AUTS2: variants seen among roughly 807,000 people sequenced by gnomAD.
The protein encoded by AUTS2 is activator of transcription and developmental regulator AUTS2, also known as autism susceptibility gene 2 protein.
A neutral mutation model predicts 112.4 loss-of-function variants in AUTS2; 17 were observed. The observed-to-expected ratio is 0.15, with a 90% CI of 0.10 to 0.23. The LOEUF (loss-of-function observed/expected upper bound fraction) is 0.23. AUTS2 is among the 10% of genes least tolerant of loss of function. The pLI, the probability that AUTS2 is intolerant of heterozygous loss-of-function variation, is 1.00. For missense variants in AUTS2, 1,510 were observed against 1,701.6 expected (o/e 0.89, Z 1.98); for synonymous variants, 751 against 702.7 (o/e 1.07, Z -1.09).
At chr7:69,896,784 A>G (rs1279167899) in intron 1 of AUTS2, among the ~76,000 whole-genome samples, 1 of 152,162 alleles carries the variant, frequency 6.6e-6, no homozygotes, top group Non-Finnish European at 1.5e-5. Context: ...CCTCTTTCAC[A>G]TTCTTTCAAG....
At position 70,546,695 on chromosome 7, in the gene AUTS2, C is replaced by G. The variant is rs186669438; in HGVS notation, c.690+110914C>G. Among the ~76,000 whole-genome samples the G allele has an allele frequency of 1.0e-2, 1,514 of 151,752 alleles. 30 individuals are homozygous for G. The highest frequency in any genetic ancestry group is 0.035 in the African/African-American group (1,443 of 41,322). On this transcript the variant is annotated intron_variant, in intron 5 of 18. Coordinates refer to ENST00000342771, the MANE Select transcript of AUTS2 (RefSeq NM_015570.4). ...TGGGGAGGCTGAGGCAGGAGAATGG[C>G]ATGAACCCGGGAGGTGGAGCTTTCA...
chr7:69,719,895 G>A (rs780651623), intron 1 of AUTS2, among the ~76,000 whole-genome samples: 4 of 152,120 alleles, frequency 2.6e-5, no homozygotes, highest in Non-Finnish European at 4.4e-5. Context: ...AGCAAGTGGA[G>A]TGACAGTTTG....
At chr7:69,854,212 C>G (rs569232830) in intron 1 of AUTS2, among the ~76,000 whole-genome samples, 24 of 152,270 alleles carry the variant, frequency 1.6e-4, no homozygotes, top group Admixed American at 1.6e-3. Flanking sequence ...CAGTGACTTT[C>G]TAAATTCACC....
chr7:70,699,411 T>C (rs567020748), intron 6 of AUTS2: 1 of 152,344 alleles, frequency 6.6e-6, no homozygotes, highest in South Asian at 2.1e-4. Context: ...ATAATCTCTT[T>C]CTGGGTTACA....
At chr7:69,653,553 G>A (rs1223594345) in intron 1 of AUTS2, among the ~76,000 whole-genome samples, 2 of 152,012 alleles carry the variant, frequency 1.3e-5, no homozygotes, top group Non-Finnish European at 2.9e-5. Flanking sequence ...CACACCTGAA[G>A]CAAGAAATGT....
intron 4 of AUTS2, among the ~76,000 whole-genome samples, chr7:70,285,637 T>G (rs546957031): frequency 6.6e-6 from 1 of 152,378 alleles, no homozygotes; most frequent in East Asian, 1.9e-4. Context: ...TACTGATATC[T>G]TCTTCCAAAT....
chr7:70,439,209 C>T (rs1796020149), intron 5 of AUTS2, among the ~76,000 whole-genome samples: 1 of 152,126 alleles, frequency 6.6e-6, no homozygotes. Flanking sequence ...GAATACATTG[C>T]ACATTAATGT....
At chr7:70,635,272 C>G (rs1238339092) in intron 5 of AUTS2, among the ~76,000 whole-genome samples, 2 of 152,196 alleles carry the variant, frequency 1.3e-5, no homozygotes, top group Non-Finnish European at 2.9e-5. Context: ...TCAGATGTGC[C>G]TCTCCTGTGT....
chr7:70,792,743 G>GTAA lies in AUTS2; in HGVS notation c.*1751_*1753dup, dbSNP rs1792054342. 1 of 152,418 alleles carries GTAA rather than the reference G, an allele frequency of 6.6e-6. No individual in the cohort carries two copies. 9.4% of individuals were successfully genotyped at this position (152,418 alleles called of 1,614,324 possible). ...GACCTTTTTGCTGTTTATCCTGTAT[G>GTAA]TAATAAAGTCCTTTCTAGATCCTAT... is the stretch of plus-strand genomic sequence containing the variant. On this transcript the variant is annotated 3_prime_UTR_variant, in exon 19 of 19. Coordinates refer to ENST00000342771, the MANE Select transcript of AUTS2 (RefSeq NM_015570.4).
At chr7:69,941,401 C>T (rs1045497430) in intron 2 of AUTS2, among the ~76,000 whole-genome samples, 16 of 152,292 alleles carry the variant, frequency 1.1e-4, no homozygotes, top group Admixed American at 5.9e-4. Context: ...TCACCTCAAA[C>T]GTCTTTCCTG....
chr7:70,325,235 C>G (rs11766329), intron 4 of AUTS2, among the ~76,000 whole-genome samples: 44,333 of 151,872 alleles, frequency 0.29, 6,785 homozygotes, highest in African/African-American at 0.38. Flanking sequence ...GAGGCGGGAG[C>G]ATCGCTTGAG....
intron 1 of AUTS2, among the ~76,000 whole-genome samples, chr7:69,739,509 C>T (rs1273928247): frequency 1.3e-5 from 2 of 152,066 alleles, no homozygotes; most frequent in Admixed American, 1.3e-4. Flanking sequence ...ACCCTGGGGA[C>T]AAACAGGATA....
chr7:70,234,757 G>A (rs770841044), intron 4 of AUTS2, among the ~76,000 whole-genome samples: 13 of 152,142 alleles, frequency 8.5e-5, no homozygotes, highest in Non-Finnish European at 1.5e-4. Context: ...AGGCCTAAAC[G>A]TTGAATCCCG....
intron 5 of AUTS2, among the ~76,000 whole-genome samples, chr7:70,482,656 ATATT>A (rs1364569362): frequency 6.6e-6 from 1 of 152,136 alleles, no homozygotes; most frequent in Non-Finnish European, 1.5e-5. Context: ...GATGAAGATG[ATATT>A]TATTTGTTAC....
intron 4 of AUTS2, among the ~76,000 whole-genome samples, chr7:70,235,657 T>TC (rs1430622345): frequency 1.3e-5 from 2 of 152,050 alleles, no homozygotes; most frequent in East Asian, 3.9e-4. Context: ...TCTTTTCTTT[T>TC]CTTTTTTTTT....
intron 2 of AUTS2, among the ~76,000 whole-genome samples, chr7:69,933,881 A>G (rs1796311490): frequency 6.6e-6 from 1 of 152,200 alleles, no homozygotes; most frequent in Non-Finnish European, 1.5e-5. Flanking sequence ...CCATGTGAAT[A>G]CACATAGGAT....
rs377740409 is a variant in AUTS2, at chr7:69,716,987, C to T, written c.309+117025C>T. ...ACTTGTCACCCTTCTGGAAACTGCA[C>T]GTGTTTAGCTCTTGCGAAGCTCATT... On this transcript the variant is annotated intron_variant, in intron 1 of 18. Transcript: ENST00000342771. Among the ~76,000 whole-genome samples the T allele has an allele frequency of 2.0e-5, 3 of 152,114 alleles. No individual in the cohort carries two copies. In the East Asian group the frequency reaches 5.8e-4, roughly 29 times the overall value.
chr7:69,627,267 C>T (rs1460240597), intron 1 of AUTS2, among the ~76,000 whole-genome samples: 3 of 151,950 alleles, frequency 2.0e-5, no homozygotes, highest in Admixed American at 1.3e-4. Context: ...CTAAGGTGGG[C>T]GGATCCCTGA....
At chr7:70,105,221 T>G (rs1804705721) in intron 2 of AUTS2, among the ~76,000 whole-genome samples, 1 of 152,150 alleles carries the variant, frequency 6.6e-6, no homozygotes, top group South Asian at 2.1e-4. Context: ...AGCATTTTTT[T>G]TAATGCTTAG....
Sources: gnomAD v4.1 joint callset for allele counts (sites outside exome capture counted in the v4.1 genomes callset) on GRCh38, gnomAD v4.1.1 for gene constraint, MANE v1.5 for transcripts, NCBI Gene and HGNC (gene_info 2026-07-23, HGNC 2026-07-21) for gene names.